ADAMTSL1: variants seen among roughly 807,000 people sequenced by gnomAD.
ADAMTSL1 encodes ADAMTS-like protein 1.
ADAMTSL1 carries 126 observed loss-of-function variants against 201.8 expected under a neutral mutation model. That is an observed-to-expected ratio of 0.62 (90% CI 0.54 to 0.72). The LOEUF (loss-of-function observed/expected upper bound fraction) is 0.72, where lower values mean the gene tolerates loss of function less well. Ranked by LOEUF, ADAMTSL1 falls within the 30% of genes least tolerant of loss-of-function variation. ADAMTSL1 has a pLI of 0.00. For synonymous variants in ADAMTSL1, 1,121 were observed against 903.4 expected, an observed-to-expected ratio of 1.24 and a Z score of -4.32; for missense variants, 2,679 against 2,277.8, an observed-to-expected ratio of 1.18 and a Z score of -3.59.
intron 19 of ADAMTSL1, among the ~76,000 whole-genome samples, chr9:18,779,535 T>C (rs7869556): frequency 0.17 from 25,540 of 152,162 alleles, 2,403 homozygotes; most frequent in Middle Eastern, 0.26. Flanking sequence ...TGGACCCACA[T>C]AGAAACACTG....
chr9:18,768,560 C>T lies in ADAMTSL1; in HGVS notation c.2218-2042C>T, dbSNP rs542061531. ...ATGCTTCAATGGGTAGGTAGTTGAT[C>T]CCAGCACTAAGAAAATACATCCTTT... On this transcript the variant is annotated intron_variant, in intron 16 of 28. Transcript: ENST00000380548. 1.1e-4 allele frequency among the ~76,000 whole-genome samples: 16 copies of T among 149,524 alleles called. No individual in the cohort carries two copies. The East Asian group carries it at 3.0e-3, about 28-fold the overall frequency.
chr9:18,488,609 G>C (rs910245514), intron 1 of ADAMTSL1, among the ~76,000 whole-genome samples: 1 of 152,126 alleles, frequency 6.6e-6, no homozygotes, highest in East Asian at 1.9e-4. Context: ...GTCAACAATG[G>C]CATGTACCTC....
At chr9:18,084,935 G>A in intron 1 of ADAMTSL1, among the ~76,000 whole-genome samples, 1 of 152,168 alleles carries the variant, frequency 6.6e-6, no homozygotes, top group Non-Finnish European at 1.5e-5. Context: ...AAAGGGAGAA[G>A]AGGCCTGCAG....
At chr9:18,373,957 T>G (rs769896419) in intron 2 of ADAMTSL1, among the ~76,000 whole-genome samples, 2 of 152,202 alleles carry the variant, frequency 1.3e-5, no homozygotes, top group Non-Finnish European at 2.9e-5. Context: ...CAGCATGTAT[T>G]GGGCAGTTAT....
At chr9:18,225,239 T>C (rs1296925943) in intron 2 of ADAMTSL1, among the ~76,000 whole-genome samples, 1 of 152,156 alleles carries the variant, frequency 6.6e-6, no homozygotes, top group Non-Finnish European at 1.5e-5. Context: ...CATACCTTCC[T>C]CTAAAGTGTG....
chr9:18,883,835 G>GT (rs1828691714), intron 23 of ADAMTSL1, among the ~76,000 whole-genome samples: 1 of 152,118 alleles, frequency 6.6e-6, no homozygotes, highest in African/African-American at 2.4e-5. Flanking sequence ...TATTTGAGTG[G>GT]TTTAAATCTT....
At chr9:18,168,901 C>T (rs1220983179) in intron 2 of ADAMTSL1, among the ~76,000 whole-genome samples, 47 of 150,372 alleles carry the variant, frequency 3.1e-4, no homozygotes, top group Admixed American at 1.9e-3. Flanking sequence ...TTTTCATGTG[C>T]TTTTTGGCTG....
At chr9:18,892,892 C>T (rs1218283710) in intron 26 of ADAMTSL1, among the ~76,000 whole-genome samples, 3 of 152,062 alleles carry the variant, frequency 2.0e-5, no homozygotes, top group Non-Finnish European at 4.4e-5. Flanking sequence ...TCCACTCCCA[C>T]CCCCAGGTGT....
At chr9:18,645,208 G>T (rs1257114351) in intron 7 of ADAMTSL1, among the ~76,000 whole-genome samples, 1 of 152,122 alleles carries the variant, frequency 6.6e-6, no homozygotes, top group African/African-American at 2.4e-5. Context: ...GTCTGTTCAT[G>T]TCCTTCACCC....
At chr9:18,008,977 C>G (rs1306606033) in intron 1 of ADAMTSL1, among the ~76,000 whole-genome samples, 1 of 152,000 alleles carries the variant, frequency 6.6e-6, no homozygotes, top group Non-Finnish European at 1.5e-5. Context: ...GAAGAGAGGA[C>G]TGGACATGGG....
At chr9:18,634,272 T>C (rs1354685955) in intron 5 of ADAMTSL1, among the ~76,000 whole-genome samples, 1 of 152,042 alleles carries the variant, frequency 6.6e-6, no homozygotes. Context: ...AAAAAAAATA[T>C]GTCTGAACAG....
intron 1 of ADAMTSL1, among the ~76,000 whole-genome samples, chr9:18,032,983 A>G (rs1270723369): frequency 1.3e-5 from 2 of 151,956 alleles, no homozygotes; most frequent in African/African-American, 2.4e-5. Flanking sequence ...TCTGTTCGAA[A>G]TGTAATCGTT....
At chr9:18,859,742 C>T (rs1471115529) in intron 23 of ADAMTSL1, among the ~76,000 whole-genome samples, 1 of 152,192 alleles carries the variant, frequency 6.6e-6, no homozygotes, top group Non-Finnish European at 1.5e-5. Flanking sequence ...AAATTCACCA[C>T]AGCGTAGTTT....
At chr9:17,981,206 G>A (rs1245381052) in intron 1 of ADAMTSL1, among the ~76,000 whole-genome samples, 1 of 152,188 alleles carries the variant, frequency 6.6e-6, no homozygotes, top group Non-Finnish European at 1.5e-5. Context: ...GCCCTCACCA[G>A]ATACCAGGTC....
chr9:18,282,199 A>G (rs1165021630), intron 2 of ADAMTSL1, among the ~76,000 whole-genome samples: 4 of 152,198 alleles, frequency 2.6e-5, no homozygotes, highest in Non-Finnish European at 5.9e-5. Context: ...TTCACTTGGT[A>G]TAATGGCTAC....
chr9:17,928,531 C>A (rs1157592722), intron 1 of ADAMTSL1, among the ~76,000 whole-genome samples: 1 of 152,140 alleles, frequency 6.6e-6, no homozygotes, highest in African/African-American at 2.4e-5. Context: ...ATGTAACCTG[C>A]AAATATTGAC....
chr9:18,337,493 C>T (rs1185638534), intron 2 of ADAMTSL1, among the ~76,000 whole-genome samples: 1 of 152,092 alleles, frequency 6.6e-6, no homozygotes, highest in Non-Finnish European at 1.5e-5. Flanking sequence ...CTGACAAATA[C>T]AATTATTATC....
At chr9:18,402,397 G>T (rs1818020123) in intron 2 of ADAMTSL1, among the ~76,000 whole-genome samples, 1 of 152,126 alleles carries the variant, frequency 6.6e-6, no homozygotes, top group South Asian at 2.1e-4. Context: ...TTTAAATGAT[G>T]AATTAAAGCA....
In ADAMTSL1 at chr9:18,622,383, A is replaced by G. The variant is rs745591767; in HGVS notation, c.601+14A>G. The G allele has an allele frequency of 1.2e-6, 2 of 1,613,900 alleles. No individual in the cohort carries two copies. Among genetic ancestry groups the G allele is most frequent in the Admixed American group, 3.3e-5 (2 of 59,988 alleles). ...CCGCAACCAAATGTAAGACACACAG[A>G]GATGGGCGACCTTTGGACTTGTTGA... On this transcript the variant is annotated intron_variant, in intron 5 of 28. Transcript: ENST00000380548.
Sources: gnomAD v4.1 joint callset for allele counts (sites outside exome capture counted in the v4.1 genomes callset) on GRCh38, gnomAD v4.1.1 for gene constraint, MANE v1.5 for transcripts, NCBI Gene and HGNC (gene_info 2026-07-23, HGNC 2026-07-21) for gene names.